The following SULT1C3 variants were observed in gnomAD, a reference collection of about 807,000 sequenced individuals.
SULT1C3 encodes the protein sulfotransferase 1C3.
A neutral mutation model predicts 28.4 loss-of-function variants in SULT1C3; 31 were observed. The ratio of observed to expected loss-of-function variants is 1.09; its 90% CI spans 0.82 to 1.47. The LOEUF is 1.47. Ranked by LOEUF, SULT1C3 falls within the 40% of genes most tolerant of loss-of-function variation. SULT1C3 has a pLI of 0.00. For synonymous variants in SULT1C3, 106 were observed against 92.2 expected (o/e 1.15, Z -0.86); for missense variants, 307 against 272.5 (o/e 1.13, Z -0.89).
chr2:108,253,910 T>A (rs1430628641), intron 4 of SULT1C3, among the ~76,000 whole-genome samples: 2 of 151,934 alleles, frequency 1.3e-5, no homozygotes, highest in Admixed American at 1.3e-4. Context: ...CCCCCTCACC[T>A]CTATGTCTGA....
intron 3 of SULT1C3, among the ~76,000 whole-genome samples, chr2:108,252,753 C>A (rs1174139239): frequency 6.6e-6 from 1 of 151,996 alleles, no homozygotes. Context: ...ATAAAGAAGA[C>A]TCCCTCTGCT....
chr2:108,248,697 A>G, intron 2 of SULT1C3, among the ~76,000 whole-genome samples: 1 of 152,158 alleles, frequency 6.6e-6, no homozygotes, highest in East Asian at 1.9e-4. Flanking sequence ...TAGAGATTAT[A>G]CAAGCATGAG....
chr2:108,245,930 C>T (rs573639419), intron 1 of SULT1C3, among the ~76,000 whole-genome samples: 1 of 152,322 alleles, frequency 6.6e-6, no homozygotes, highest in East Asian at 1.9e-4. Flanking sequence ...GCACCCAAGT[C>T]ACCTCTGGAA....
At chr2:108,247,390 TA>T in intron 2 of SULT1C3, 24 bp downstream of exon 2, 1 of 1,492,414 alleles carries the variant, frequency 6.7e-7, no homozygotes, top group Non-Finnish European at 9.0e-7. Context: ...AACATAAAAA[TA>T]TTCAATATTT....
At chr2:108,244,722 A>T (rs1675538817) in intron 1 of SULT1C3, among the ~76,000 whole-genome samples, 4 of 152,182 alleles carry the variant, frequency 2.6e-5, no homozygotes, top group Admixed American at 1.3e-4. Context: ...ACTTGTCTAA[A>T]GTCCTGCAAT....
intron 2 of SULT1C3, among the ~76,000 whole-genome samples, chr2:108,252,156 T>TAGAC (rs1675741802): frequency 8.6e-6 from 1 of 116,712 alleles, no homozygotes; most frequent in Non-Finnish European, 2.0e-5. Flanking sequence ...ATTAGATAGA[T>TAGAC]AGATAGATAG....
downstream of SULT1C3, chr2:108,264,744 C>A (rs928989037): frequency 4.3e-6 from 6 of 1,389,412 alleles, no homozygotes; most frequent in African/African-American, 1.4e-5. Context: ...ACTCATTTCT[C>A]TCCAAATACT....
intron 4 of SULT1C3, among the ~76,000 whole-genome samples, chr2:108,254,376 A>G (rs1446601299): frequency 6.6e-6 from 1 of 151,964 alleles, no homozygotes; most frequent in African/African-American, 2.4e-5. Flanking sequence ...GTCTTTTCAT[A>G]GAGGGCCCCT....
chr2:108,263,499 T>C (rs1440788118), downstream of SULT1C3, among the ~76,000 whole-genome samples: 1 of 152,210 alleles, frequency 6.6e-6, no homozygotes, highest in Admixed American at 6.5e-5. Context: ...ATTGTAGGGA[T>C]ATGGGGCATT....
intron 2 of SULT1C3, 120 bp downstream of exon 2, chr2:108,247,486 T>G: frequency 1.0e-6 from 1 of 959,092 alleles, no homozygotes; most frequent in African/African-American, 1.7e-5. Context: ...TATGGAGATC[T>G]GTTCTTTGGT....
chr2:108,250,140 A>G (rs1675694001), intron 2 of SULT1C3, among the ~76,000 whole-genome samples: 1 of 151,988 alleles, frequency 6.6e-6, no homozygotes, highest in Admixed American at 6.6e-5. Context: ...CAGTTAAGAA[A>G]ATAAAAATAT....
intron 1 of SULT1C3, among the ~76,000 whole-genome samples, chr2:108,245,516 A>G (rs1016577428): frequency 2.0e-5 from 3 of 152,186 alleles, no homozygotes; most frequent in African/African-American, 7.2e-5. Flanking sequence ...AGGTGCCTTA[A>G]AGGAACACGG....
intron 5 of SULT1C3, among the ~76,000 whole-genome samples, chr2:108,257,319 C>T (rs1675890634): frequency 6.6e-6 from 1 of 151,924 alleles, no homozygotes; most frequent in South Asian, 2.1e-4. Flanking sequence ...TTAAAACATG[C>T]CAAGACCCAC....
At chr2:108,254,805 A>G (rs1158179609) in intron 4 of SULT1C3, among the ~76,000 whole-genome samples, 3 of 151,026 alleles carry the variant, frequency 2.0e-5, no homozygotes, top group African/African-American at 4.9e-5. Flanking sequence ...GTATGCATAT[A>G]TATGTATATA....
intron 2 of SULT1C3, among the ~76,000 whole-genome samples, chr2:108,248,768 C>T (rs1329215787): frequency 1.3e-5 from 2 of 152,106 alleles, no homozygotes; most frequent in African/African-American, 4.8e-5. Context: ...GACATTAGTC[C>T]TCTGTTATTA....
chr2:108,242,326 A>T (rs986926542), intron 1 of SULT1C3, among the ~76,000 whole-genome samples: 1 of 152,206 alleles, frequency 6.6e-6, no homozygotes, highest in African/African-American at 2.4e-5. Flanking sequence ...CAGACAGAAG[A>T]TTCAGCACTT....
At chr2:108,258,135 C>G (rs1675924134) in intron 5 of SULT1C3, among the ~76,000 whole-genome samples, 1 of 152,082 alleles carries the variant, frequency 6.6e-6, no homozygotes, top group African/African-American at 2.4e-5. Context: ...CTGCCCAGAA[C>G]CAAACCAGGA....
At chr2:108,243,151 C>G (rs1449005474) in intron 1 of SULT1C3, among the ~76,000 whole-genome samples, 1 of 152,128 alleles carries the variant, frequency 6.6e-6, no homozygotes, top group Non-Finnish European at 1.5e-5. Context: ...GGGTAAGCAG[C>G]TTTTGAAACT....
At chr2:108,263,574 G>C (rs1297323082), downstream of SULT1C3, among the ~76,000 whole-genome samples, 1 of 152,128 alleles carries the variant, frequency 6.6e-6, no homozygotes, top group East Asian at 1.9e-4. Flanking sequence ...ATGCAGCATT[G>C]GTATAGGGGA....
Sources: gnomAD v4.1 joint callset for allele counts (sites outside exome capture counted in the v4.1 genomes callset) on GRCh38, gnomAD v4.1.1 for gene constraint, MANE v1.5 for transcripts, NCBI Gene and HGNC (gene_info 2026-07-23, HGNC 2026-07-21) for gene names.